Variants in ZNF324B observed in about 807,000 individuals in gnomAD.
ZNF324B encodes the protein zinc finger protein 324B.
Under a neutral mutation model 10.6 loss-of-function variants are expected in ZNF324B, and 7 were observed. The observed-to-expected ratio is 0.66, with a 90% CI of 0.38 to 1.24. The LOEUF is 1.24. ZNF324B is among the 50% of genes most tolerant of loss of function. ZNF324B has a pLI of 0.02. For missense variants in ZNF324B, 640 were observed against 764.7 expected (o/e 0.84, Z 1.92); for synonymous variants, 316 against 321.0 (o/e 0.98, Z 0.17).
the ZNF324B span, chr19:58,433,094 A>T: frequency 1.7e-6 from 1 of 583,716 alleles, no homozygotes; most frequent in African/African-American, 1.9e-5. Context: ...GGACTGCTGC[A>T]AATTTTTGGA....
In ZNF324B at chr19:58,456,846, GC is replaced by G. The variant is rs2052927981; in HGVS notation, c.*268del. 2 of 562,942 alleles carry G rather than the reference GC, an allele frequency of 3.6e-6. No individual in the cohort carries two copies. The highest frequency in any genetic ancestry group is 3.7e-5 in the African/African-American group (2 of 53,402). The allele number at this position is 562,942 out of a possible 1,614,324, so 34.9% of individuals were successfully genotyped here. ...CAGCTGGAACTCTGGTGGGGCTGAG[GC>G]TGTAGTTGGGGCCATAGGACGCCGA... is the stretch of plus-strand genomic sequence containing the variant. On this transcript the variant is annotated 3_prime_UTR_variant, in exon 4 of 4. Transcript: ENST00000336614. The surrounding 1 kb of genome is among the most constrained non-coding windows in gnomAD (Gnocchi z 4.7).
chr19:58,445,683 C>T, the ZNF324B span: 86 of 343,702 alleles, frequency 2.5e-4, no homozygotes, highest in Admixed American at 1.1e-3. Context: ...GGCATGGTAA[C>T]GCCCATCTGT....
the ZNF324B span, chr19:58,433,548 A>G: frequency 1.2e-6 from 2 of 1,614,194 alleles, no homozygotes; most frequent in Admixed American, 3.3e-5. Context: ...AGGCTCTCCC[A>G]CATTCACTGC....
chr19:58,422,388 A>G, the ZNF324B span, among the ~76,000 whole-genome samples: 492 of 152,326 alleles, frequency 3.2e-3, 3 homozygotes, highest in South Asian at 0.019. Context: ...CACCACTCCT[A>G]TTCAACATAG....
At chr19:58,421,588 T>C in the ZNF324B span, among the ~76,000 whole-genome samples, 1 of 151,780 alleles carries the variant, frequency 6.6e-6, no homozygotes, top group African/African-American at 2.4e-5. Flanking sequence ...ACCATGTTGG[T>C]CGGGCTGGTC....
the ZNF324B span, among the ~76,000 whole-genome samples, chr19:58,425,709 G>C: frequency 6.6e-6 from 1 of 152,012 alleles, no homozygotes; most frequent in South Asian, 2.1e-4. Flanking sequence ...AACCTCAGGT[G>C]ATCTGCCTGC....
the ZNF324B span, among the ~76,000 whole-genome samples, chr19:58,427,365 T>TC: frequency 0.014 from 673 of 48,320 alleles, 6 homozygotes; most frequent in Middle Eastern, 0.069. Flanking sequence ...TTTCTTTCTT[T>TC]CTTTCTTTCT....
At chr19:58,450,434 C>A (rs1418022327), upstream of ZNF324B, among the ~76,000 whole-genome samples, 1 of 139,100 alleles carries the variant, frequency 7.2e-6, no homozygotes, top group Non-Finnish European at 1.5e-5. Flanking sequence ...CACTGCACTC[C>A]ATCCTGGGTA....
the ZNF324B span, among the ~76,000 whole-genome samples, chr19:58,420,981 G>T: frequency 4.0e-5 from 6 of 150,822 alleles, no homozygotes; most frequent in East Asian, 1.2e-3. Flanking sequence ...TGGGATTACC[G>T]GCGTGAGCCA....
the ZNF324B span, among the ~76,000 whole-genome samples, chr19:58,425,596 G>A: frequency 4.6e-5 from 7 of 150,660 alleles, no homozygotes; most frequent in South Asian, 2.1e-4. Context: ...TCAGCCTCCC[G>A]AGTAACTGGG....
the ZNF324B span, chr19:58,433,000 T>G: frequency 1.5e-5 from 5 of 327,560 alleles, no homozygotes; most frequent in South Asian, 6.7e-5. Context: ...TCAACCAGCA[T>G]CGGTTCAGCT....
chr19:58,426,143 A>G, the ZNF324B span, among the ~76,000 whole-genome samples: 9 of 152,166 alleles, frequency 5.9e-5, no homozygotes, highest in Admixed American at 2.6e-4. Context: ...CCTCCCCATC[A>G]AACAATCGAA....
At chr19:58,437,853 C>T in the ZNF324B span, 9 of 944,132 alleles carry the variant, frequency 9.5e-6, no homozygotes, top group South Asian at 3.9e-4. Context: ...CTTCAACCAT[C>T]AGCTGCCCAG....
the ZNF324B span, chr19:58,433,818 A>C: frequency 7.7e-5 from 125 of 1,614,170 alleles, no homozygotes; most frequent in East Asian, 2.4e-3. Context: ...TACACTCGTA[A>C]GGCTTTTCTC....
Position 58,455,468 on chromosome 19 carries a change from G to A in ZNF324B, c.524G>A (p.Arg175Lys). 4 of 1,614,090 alleles carry A rather than the reference G, an allele frequency of 2.5e-6. No homozygotes were observed. Among genetic ancestry groups the A allele is most frequent in the Non-Finnish European group, 3.4e-6 (4 of 1,179,980 alleles). Residue 175 changes from arginine to lysine, a missense_variant, in exon 4 of 4, where the codon AGG (arginine) becomes AAG (lysine). By Grantham distance (26) the Arg-to-Lys change is conservative (BLOSUM62 2). Transcript: ENST00000336614. The surrounding 1 kb of genome is among the most constrained non-coding windows in gnomAD (Gnocchi z 7.0). The stretch of plus-strand genomic sequence containing the variant: ...AGGCCCCCCAAGAGCAGCCGGCCCA[G>A]GGAAAAGACCTTCACAGAGTACCGG... ...PLRPPKSSRP[R>K]EKTFTEYRVP...
At position 58,455,115 on chromosome 19, in the gene ZNF324B, C is replaced by T; in HGVS notation, c.239-68C>T. The T allele has an allele frequency of 1.2e-6, 2 of 1,605,236 alleles. No individual in the cohort carries two copies. Among genetic ancestry groups the T allele is most frequent in the South Asian group, 1.1e-5 (1 of 90,784 alleles). ...GGCTCCTGGGCTCCCCCTTGCCTGT[C>T]CACTCAGCCTGCCCTGGTCCTCTCC... On this transcript the variant is annotated intron_variant, in intron 3 of 3. Coordinates refer to ENST00000336614, the MANE Select transcript of ZNF324B (RefSeq NM_207395.3). This position sits in a 1 kb window ranked among gnomAD's most constrained non-coding sequence, Gnocchi z 7.0.
At chr19:58,434,668 G>A in the ZNF324B span, 2 of 1,614,212 alleles carry the variant, frequency 1.2e-6, no homozygotes, top group Non-Finnish European at 8.5e-7. Context: ...TATCTCTTCA[G>A]AGTGAGTTCT....
At chr19:58,435,456 T>C in the ZNF324B span, 66 of 446,440 alleles carry the variant, frequency 1.5e-4, no homozygotes, top group Non-Finnish European at 1.9e-4. Flanking sequence ...AGGACTTAAA[T>C]AGACATTTCT....
upstream of ZNF324B, among the ~76,000 whole-genome samples, chr19:58,448,631 G>A (rs2122329979): frequency 6.6e-6 from 1 of 152,296 alleles, no homozygotes; most frequent in East Asian, 1.9e-4. Flanking sequence ...GGAGGCTGAG[G>A]CAGGAGACTG....
Sources: gnomAD v4.1 joint callset for allele counts (sites outside exome capture counted in the v4.1 genomes callset) on GRCh38, gnomAD v4.1.1 for gene constraint, Gnocchi (gnomAD v3.1) non-coding constraint, MANE v1.5 for transcripts, NCBI Gene and HGNC (gene_info 2026-07-23, HGNC 2026-07-21) for gene names.